The following RIMS2 variants were observed in gnomAD, a reference collection of about 807,000 sequenced individuals.
RIMS2 encodes the protein regulating synaptic membrane exocytosis 2.
A neutral mutation model predicts 174.4 loss-of-function variants in RIMS2; 59 were observed. The ratio of observed to expected loss-of-function variants is 0.34; its 90% CI spans 0.27 to 0.42. The LOEUF (loss-of-function observed/expected upper bound fraction) is 0.42, where lower values mean the gene tolerates loss of function less well. Ranked by LOEUF, RIMS2 falls within the 10% of genes least tolerant of loss-of-function variation. The probability of loss-of-function intolerance (pLI) is 1.00; values close to 1 mark genes in which losing one functional copy is unlikely to be tolerated. For synonymous variants in RIMS2, 606 were observed against 572.5 expected (o/e 1.06, Z -0.84); for missense variants, 1,620 against 1,666.3 (o/e 0.97, Z 0.48).
At chr8:103,788,532 G>A (rs1438782141) in intron 3 of RIMS2, among the ~76,000 whole-genome samples, 9 of 151,522 alleles carry the variant, frequency 5.9e-5, no homozygotes, top group Non-Finnish European at 1.3e-4. Context: ...ACCCTGCTGT[G>A]TGAGGTGTCA....
chr8:104,188,975 A>G (rs779589131), intron 19 of RIMS2, among the ~76,000 whole-genome samples: 2 of 151,968 alleles, frequency 1.3e-5, no homozygotes, highest in Non-Finnish European at 2.9e-5. Flanking sequence ...AATGTCTACA[A>G]ATTGTTCATC....
intron 1 of RIMS2, among the ~76,000 whole-genome samples, chr8:103,629,310 T>A (rs1217819390): frequency 6.6e-6 from 1 of 152,160 alleles, no homozygotes; most frequent in African/African-American, 2.4e-5. Flanking sequence ...CCTGGACAGA[T>A]CCCTGAACAG....
chr8:104,157,502 T>C (rs2134435206), intron 19 of RIMS2, among the ~76,000 whole-genome samples: 1 of 152,316 alleles, frequency 6.6e-6, no homozygotes, highest in East Asian at 1.9e-4. Context: ...TCTCCACAAC[T>C]CTTTTCAGTT....
At chr8:104,127,235 A>G (rs1224425955) in intron 19 of RIMS2, among the ~76,000 whole-genome samples, 1 of 152,182 alleles carries the variant, frequency 6.6e-6, no homozygotes, top group Non-Finnish European at 1.5e-5. Flanking sequence ...CTTATTCTAA[A>G]AGAAAACGTT....
In RIMS2 at chr8:103,895,022, T is replaced by C. The variant is rs139719641; in HGVS notation, c.1624+8799T>C. Among the ~76,000 whole-genome samples, 11 of 151,790 alleles carry C rather than the reference T, an allele frequency of 7.2e-5. No homozygotes were observed. The East Asian group carries it at 2.1e-3, about 29-fold the overall frequency. The stretch of plus-strand genomic sequence containing the variant: ...ATTAAGTTTTAAAAATTAAATATTG[T>C]TATAATTATGCTTATAATTTTTCTG... On this transcript the variant is annotated intron_variant, in intron 4 of 23. Transcript: ENST00000504942.
At chr8:104,012,790 T>C (rs1414392235) in intron 17 of RIMS2, among the ~76,000 whole-genome samples, 1 of 152,136 alleles carries the variant, frequency 6.6e-6, no homozygotes, top group African/African-American at 2.4e-5. Flanking sequence ...ATCATGTTGT[T>C]TCAGAATTAT....
chr8:104,196,737 C>G (rs1282071815), intron 19 of RIMS2, among the ~76,000 whole-genome samples: 1 of 151,982 alleles, frequency 6.6e-6, no homozygotes, highest in Non-Finnish European at 1.5e-5. Flanking sequence ...GAATATTTTT[C>G]AGTATTATGT....
intron 19 of RIMS2, among the ~76,000 whole-genome samples, chr8:104,234,554 C>G (rs1157280007): frequency 1.6e-5 from 2 of 124,732 alleles, no homozygotes; most frequent in Non-Finnish European, 3.4e-5. Context: ...CAACATCAGA[C>G]AAGAAAAACA....
chr8:103,860,093 C>G (rs1334228642), intron 3 of RIMS2, among the ~76,000 whole-genome samples: 1 of 151,996 alleles, frequency 6.6e-6, no homozygotes, highest in Non-Finnish European at 1.5e-5. Context: ...TTGAGCTATT[C>G]TAGATGTCAT....
intron 1 of RIMS2, among the ~76,000 whole-genome samples, chr8:103,618,739 A>G (rs1045694882): frequency 6.6e-6 from 1 of 152,132 alleles, no homozygotes; most frequent in African/African-American, 2.4e-5. Flanking sequence ...CACCCAGATC[A>G]TTCAGTTCAC....
At chr8:103,544,462 A>C (rs1430860300) in intron 1 of RIMS2, among the ~76,000 whole-genome samples, 5 of 152,214 alleles carry the variant, frequency 3.3e-5, no homozygotes, top group Admixed American at 2.6e-4. Context: ...CTTTGTGAGC[A>C]TATTTCTGCC....
intron 3 of RIMS2, among the ~76,000 whole-genome samples, chr8:103,770,633 C>T (rs1403656618): frequency 6.6e-6 from 1 of 152,122 alleles, no homozygotes; most frequent in Non-Finnish European, 1.5e-5. Context: ...GTTTGCCAAT[C>T]CCTGCCCTAG....
intron 1 of RIMS2, among the ~76,000 whole-genome samples, chr8:103,692,196 A>T (rs1380810907): frequency 6.6e-6 from 1 of 152,148 alleles, no homozygotes; most frequent in Non-Finnish European, 1.5e-5. Context: ...AGCTCACAGC[A>T]ACCACTGCCT....
intron 19 of RIMS2, among the ~76,000 whole-genome samples, chr8:104,188,918 C>T (rs183253153): frequency 6.6e-6 from 1 of 151,988 alleles, no homozygotes; most frequent in Non-Finnish European, 1.5e-5. Flanking sequence ...GTGAGCATAA[C>T]TAGCAGTCTT....
intron 19 of RIMS2, among the ~76,000 whole-genome samples, chr8:104,123,417 A>C (rs1449965065): frequency 1.3e-5 from 2 of 152,036 alleles, no homozygotes; most frequent in African/African-American, 4.8e-5. Context: ...CCATTAAAAA[A>C]ATTAAAACCT....
At chr8:104,242,968 A>G (rs78470793) in intron 19 of RIMS2, among the ~76,000 whole-genome samples, 2,958 of 152,266 alleles carry the variant, frequency 0.019, 40 homozygotes, top group Middle Eastern at 0.031. Context: ...CCTTTCATCT[A>G]ATAGTGTTAG....
intron 1 of RIMS2, among the ~76,000 whole-genome samples, chr8:103,585,621 T>G (rs1045813943): frequency 6.6e-6 from 1 of 151,806 alleles, no homozygotes; most frequent in Non-Finnish European, 1.5e-5. Context: ...TCTCAGCAAA[T>G]TAACACAAGA....
chr8:104,157,223 A>G (rs1335917070), intron 19 of RIMS2, among the ~76,000 whole-genome samples: 1 of 152,188 alleles, frequency 6.6e-6, no homozygotes, highest in African/African-American at 2.4e-5. Flanking sequence ...TGGTGTTAAC[A>G]TTATCATAAA....
chr8:104,031,000 A>G (rs1169591845), intron 19 of RIMS2, among the ~76,000 whole-genome samples: 1 of 152,108 alleles, frequency 6.6e-6, no homozygotes, highest in African/African-American at 2.4e-5. Flanking sequence ...TGCTGAATAT[A>G]TATTTATTAA....
Sources: gnomAD v4.1 joint callset for allele counts (sites outside exome capture counted in the v4.1 genomes callset) on GRCh38, gnomAD v4.1.1 for gene constraint, MANE v1.5 for transcripts, NCBI Gene and HGNC (gene_info 2026-07-23, HGNC 2026-07-21) for gene names.